Variants in TRABD2B observed in about 807,000 individuals in gnomAD.
The protein encoded by TRABD2B is metalloprotease TIKI2.
TRABD2B carries 14 observed loss-of-function variants against 40.1 expected under a neutral mutation model. That is an observed-to-expected ratio of 0.35 (90% CI 0.23 to 0.55). The LOEUF is 0.55. TRABD2B is among the 20% of genes least tolerant of loss of function. The pLI is 0.90. For synonymous variants in TRABD2B, 263 were observed against 277.0 expected, an observed-to-expected ratio of 0.95 and a Z score of 0.50; for missense variants, 541 against 648.6, an observed-to-expected ratio of 0.83 and a Z score of 1.80.
rs563210326 is a variant in TRABD2B at position 47,926,471 on chromosome 1, A to C, written c.666+67563T>G. On this transcript the variant is annotated intron_variant, in intron 2 of 6. Coordinates refer to ENST00000606738, the MANE Select transcript of TRABD2B (RefSeq NM_001194986.2). ...CTCCAGGAATGAGTGCTTGTGCTTC[A>C]ACCCTACTTGATCTGCCAAGGCTCT... Among the ~76,000 whole-genome samples, 4 of 152,250 alleles carry C rather than the reference A, an allele frequency of 2.6e-5. 1 individual carries two copies. The highest frequency in any genetic ancestry group is 9.6e-5 in the African/African-American group (4 of 41,552).
intron 2 of TRABD2B, among the ~76,000 whole-genome samples, chr1:47,815,859 A>G (rs1347589158): frequency 6.6e-6 from 1 of 151,634 alleles, no homozygotes; most frequent in Non-Finnish European, 1.5e-5. Flanking sequence ...ATAGAAATAG[A>G]GTCAGGAGTG....
intron 2 of TRABD2B, among the ~76,000 whole-genome samples, chr1:47,992,756 GAGA>G (rs996337531): frequency 3.3e-5 from 5 of 152,242 alleles, no homozygotes; most frequent in Non-Finnish European, 7.3e-5. Context: ...TTCCCCCGTG[GAGA>G]AGGAGTCAGG....
intron 2 of TRABD2B, among the ~76,000 whole-genome samples, chr1:47,803,303 T>C (rs774282049): frequency 1.1e-4 from 16 of 152,250 alleles, no homozygotes; most frequent in Non-Finnish European, 2.2e-4. Flanking sequence ...AGTCTGACCC[T>C]GGACATCCTT....
intron 2 of TRABD2B, among the ~76,000 whole-genome samples, chr1:47,824,127 A>G (rs1570050517): frequency 6.6e-6 from 1 of 152,034 alleles, no homozygotes; most frequent in African/African-American, 2.4e-5. Context: ...GGCTGCTCCT[A>G]TCTACTGCAC....
rs552811509 is a variant in TRABD2B, at chr1:47,871,528, C to T, written c.667-69909G>A. 3.9e-5 allele frequency among the ~76,000 whole-genome samples: 6 copies of T among 152,318 alleles called. No homozygotes were observed. In the South Asian group the frequency reaches 6.2e-4, roughly 16 times the overall value. ...CCCTGAATGAACCGCCCTGAATGGC[C>T]GCCCAGGGAGTGGAACCATTTTCAT... On this transcript the variant is annotated intron_variant, in intron 2 of 6. Transcript: ENST00000606738.
At position 47,910,965 on chromosome 1, in the gene TRABD2B, C is replaced by T. The variant is rs560608274; in HGVS notation, c.666+83069G>A. 3.2e-4 allele frequency among the ~76,000 whole-genome samples: 48 copies of T among 152,244 alleles called. No homozygotes were observed. In the East Asian group the frequency reaches 6.8e-3, roughly 21 times the overall value. On this transcript the variant is annotated intron_variant, in intron 2 of 6. Coordinates refer to ENST00000606738, the MANE Select transcript of TRABD2B (RefSeq NM_001194986.2). ...ATTCTGGGCTCTGCCTTTCTCCTTGCCCAAGGCTGGAATGGCCAGGCAGAG... is the reference window on the plus strand; with the variant it reads ...ATTCTGGGCTCTGCCTTTCTCCTTGTCCAAGGCTGGAATGGCCAGGCAGAG...
intron 5 of TRABD2B, 128 bp from the exon 6 acceptor site, chr1:47,775,567 C>T (rs1001115017): frequency 2.1e-6 from 2 of 967,662 alleles, no homozygotes; most frequent in Non-Finnish European, 2.7e-6. Context: ...CCTGCTGGGC[C>T]CGGTGACAGC....
chr1:47,994,876 G>A lies in TRABD2B; in HGVS notation c.103-279C>T, dbSNP rs575310942. ...GAAAGCAACTACCTCGGGTTGTTGGGAGGATTAAAAGATACAATATATGTA... is the reference window on the plus strand; with the variant it reads ...GAAAGCAACTACCTCGGGTTGTTGGAAGGATTAAAAGATACAATATATGTA... On this transcript the variant is annotated intron_variant, in intron 1 of 6. Transcript: ENST00000606738. The surrounding 1 kb of genome is among the most constrained non-coding windows in gnomAD (Gnocchi z 6.7). Among the ~76,000 whole-genome samples the A allele has an allele frequency of 6.6e-6, 1 of 152,266 alleles. No individual in the cohort carries two copies. The highest frequency in any genetic ancestry group is 2.4e-5 in the African/African-American group (1 of 41,550).
chr1:47,872,762 A>C (rs1644163148), intron 2 of TRABD2B, among the ~76,000 whole-genome samples: 1 of 152,096 alleles, frequency 6.6e-6, no homozygotes, highest in African/African-American at 2.4e-5. Context: ...TCCCTTGAGA[A>C]GACTGGGTTG....
At chr1:47,871,859 A>G (rs1644146224) in intron 2 of TRABD2B, among the ~76,000 whole-genome samples, 1 of 152,196 alleles carries the variant, frequency 6.6e-6, no homozygotes, top group East Asian at 1.9e-4. Context: ...CTTGGTACAA[A>G]CAATGGCCAA....
At chr1:47,864,001 A>G (rs185663092) in intron 2 of TRABD2B, among the ~76,000 whole-genome samples, 1 of 152,346 alleles carries the variant, frequency 6.6e-6, no homozygotes, top group East Asian at 1.9e-4. Context: ...CAATCTGGAA[A>G]GATTAGTTAC....
At chr1:47,981,310 G>C (rs143433856) in intron 2 of TRABD2B, among the ~76,000 whole-genome samples, 1 of 152,056 alleles carries the variant, frequency 6.6e-6, no homozygotes, top group South Asian at 2.1e-4. Flanking sequence ...CACTGCACCC[G>C]GCCACATTCT....
intron 2 of TRABD2B, among the ~76,000 whole-genome samples, chr1:47,857,373 G>A (rs1460037706): frequency 6.6e-6 from 1 of 152,096 alleles, no homozygotes; most frequent in Non-Finnish European, 1.5e-5. Flanking sequence ...ACAATGAGCC[G>A]GGCCAGCCAC....
intron 6 of TRABD2B, among the ~76,000 whole-genome samples, chr1:47,766,992 G>A (rs1418380705): frequency 6.6e-6 from 1 of 152,172 alleles, no homozygotes; most frequent in African/African-American, 2.4e-5. Context: ...GAAGCTGGAG[G>A]CGGGGGCAGG....
intron 2 of TRABD2B, among the ~76,000 whole-genome samples, chr1:47,918,649 C>A (rs1467470288): frequency 1.3e-5 from 2 of 152,090 alleles, no homozygotes; most frequent in Non-Finnish European, 2.9e-5. Flanking sequence ...AACTGTGCAC[C>A]CAGATAATAA....
chr1:47,876,994 T>C (rs145835403), intron 2 of TRABD2B, among the ~76,000 whole-genome samples: 3 of 152,206 alleles, frequency 2.0e-5, no homozygotes, highest in Non-Finnish European at 4.4e-5. Context: ...CACATTAAGC[T>C]TACAGTCAGG....
chr1:47,894,674 T>C (rs2124661801), intron 2 of TRABD2B, among the ~76,000 whole-genome samples: 1 of 152,262 alleles, frequency 6.6e-6, no homozygotes, highest in Non-Finnish European at 1.5e-5. Context: ...TTGTGTCAAT[T>C]AGCACCCCAC....
At chr1:47,927,393 C>T (rs1028167952) in intron 2 of TRABD2B, among the ~76,000 whole-genome samples, 6 of 152,242 alleles carry the variant, frequency 3.9e-5, no homozygotes, top group African/African-American at 1.4e-4. Context: ...AGCCCAAAGC[C>T]ATCCCATGGA....
At chr1:47,951,287 T>C (rs1411908866) in intron 2 of TRABD2B, among the ~76,000 whole-genome samples, 1 of 152,204 alleles carries the variant, frequency 6.6e-6, no homozygotes, top group Non-Finnish European at 1.5e-5. Context: ...AGGGCCACAA[T>C]GCGGGGGATT....
Sources: allele counts gnomAD v4.1 joint callset (sites outside exome capture counted in the v4.1 genomes callset), GRCh38; gene constraint gnomAD v4.1.1; non-coding constraint Gnocchi (gnomAD v3.1); transcripts MANE v1.5; gene names NCBI Gene and HGNC (gene_info 2026-07-23, HGNC 2026-07-21).